LONRF2: variants seen among roughly 807,000 people sequenced by gnomAD.
LONRF2 encodes LON peptidase N-terminal domain and RING finger protein 2.
LONRF2 carries 35 observed loss-of-function variants against 66.6 expected under a neutral mutation model. The ratio of observed to expected loss-of-function variants is 0.53; its 90% CI spans 0.40 to 0.70. The LOEUF (loss-of-function observed/expected upper bound fraction) is 0.70, where lower values mean the gene tolerates loss of function less well. LONRF2 is among the 30% of genes least tolerant of loss of function. LONRF2 has a pLI of 0.00. For missense variants in LONRF2, 902 were observed against 1,002.1 expected, an observed-to-expected ratio of 0.90 and a Z score of 1.35; for synonymous variants, 417 against 418.1, an observed-to-expected ratio of 1.00 and a Z score of 0.03.
In LONRF2 at chr2:100,273,357, C is replaced by T. The variant is rs775353101; in HGVS notation, c.*10941G>A. ...GTGGTGATGTGTTAGTACATCCCTA[C>T]GACACAAACACAAAGGCCTAGGCAC... On this transcript the variant is annotated 3_prime_UTR_variant, in exon 12 of 12. Coordinates refer to ENST00000393437, the MANE Select transcript of LONRF2 (RefSeq NM_198461.4). 1.1e-4 allele frequency: 16 copies of T among 152,306 alleles called. No homozygotes were observed. The highest frequency in any genetic ancestry group is 1.2e-4 in the African/African-American group (5 of 41,552). 9.4% of individuals were successfully genotyped at this position (152,306 alleles called of 1,614,324 possible).
intron 2 of LONRF2, among the ~76,000 whole-genome samples, chr2:100,306,022 G>C (rs1417964478): frequency 6.6e-6 from 1 of 152,126 alleles, no homozygotes; most frequent in African/African-American, 2.4e-5. Context: ...CGGAGTAGCT[G>C]GGATTATAGC....
rs1317345265 is a variant in LONRF2, at chr2:100,295,502, A to G, written c.1528T>C (p.Phe510Leu). ...GACAATTCATCCGGCAAATATCGAA[A>G]TATTAATTCTTCGGCCAGAACAGTT... ...NITVLAEELI[F>L]RYLPDELSDR... Residue 510 changes from phenylalanine (F) to leucine (L), a missense_variant, in exon 8 of 12, where the codon TTT becomes CTT. Transcript: ENST00000393437. 6.2e-7 allele frequency: 1 copy of G among 1,613,660 alleles called. No individual in the cohort carries two copies. Among genetic ancestry groups the G allele is most frequent in the Non-Finnish European group, 8.5e-7 (1 of 1,179,834 alleles).
chr2:100,284,383 A>G lies in LONRF2; in HGVS notation c.2180T>C (p.Leu727Pro). The G allele has an allele frequency of 1.9e-6, 3 of 1,600,284 alleles. No homozygotes were observed. Among genetic ancestry groups the G allele is most frequent in the Non-Finnish European group, 2.6e-6 (3 of 1,173,384 alleles). The change falls in exon 12 of 12, where the codon CTT (leucine) becomes CCT (proline). Residue 727 changes from leucine to proline, a missense_variant. Leu to Pro is a moderately conservative substitution (Grantham distance 98). This residue lies in a region of LONRF2 where 317 missense variants were observed against 432.2 expected (regional missense o/e 0.73). Coordinates refer to ENST00000393437, the MANE Select transcript of LONRF2 (RefSeq NM_198461.4). ...LGMTSLKERL[L>P]AIRRILVIIT... is the part of the protein sequence containing the mutation. Reference sequence around the variant, plus strand: ...GATGACTAATATCCGTCGGATGGCAAGGAGCCGCTCTTTGAGCGAGGTCAT... The same window carrying G: ...GATGACTAATATCCGTCGGATGGCAGGGAGCCGCTCTTTGAGCGAGGTCAT...
intron 7 of LONRF2, among the ~76,000 whole-genome samples, chr2:100,297,681 G>A (rs182151491): frequency 3.3e-4 from 51 of 152,310 alleles, no homozygotes; most frequent in African/African-American, 1.2e-3. Context: ...AAACTGCACA[G>A]GGGCCACCAA....
At chr2:100,316,757 C>T (rs1329001543) in intron 1 of LONRF2, among the ~76,000 whole-genome samples, 1 of 152,156 alleles carries the variant, frequency 6.6e-6, no homozygotes, top group Non-Finnish European at 1.5e-5. Flanking sequence ...TTTTGCAATC[C>T]TTACTTTATC....
At position 100,280,516 on chromosome 2, in the gene LONRF2, C is replaced by T. The variant is rs999649026; in HGVS notation, c.*3782G>A. The T allele has an allele frequency of 1.3e-5, 2 of 152,252 alleles. No individual in the cohort carries two copies. The highest frequency in any genetic ancestry group is 4.8e-5 in the African/African-American group (2 of 41,430). The allele number at this position is 152,252 out of a possible 1,614,324, so 9.4% of individuals were successfully genotyped here. On this transcript the variant is annotated 3_prime_UTR_variant, in exon 12 of 12. Coordinates refer to ENST00000393437, the MANE Select transcript of LONRF2 (RefSeq NM_198461.4). The stretch of plus-strand genomic sequence containing the variant: ...ATGGGCCGGGCACGGTGGCTCACGC[C>T]TGTAATCCCAGCACTGTGGGAGGCC...
chr2:100,315,093 A>T (rs1238234313), intron 1 of LONRF2, among the ~76,000 whole-genome samples: 3 of 152,236 alleles, frequency 2.0e-5, no homozygotes, highest in Non-Finnish European at 4.4e-5. Context: ...TGATATATCC[A>T]TCCATTTAAG....
rs1368168501 is a variant in LONRF2, at chr2:100,283,071, C to T, written c.*1227G>A. On this transcript the variant is annotated 3_prime_UTR_variant, in exon 12 of 12. Transcript: ENST00000393437. ...TACAGACGAGGAAGCCAACCAAATG[C>T]ACCAGCTGGTTGGGCCAGAGAGAAC... The T allele has an allele frequency of 2.0e-5, 3 of 152,156 alleles. No homozygotes were observed. The highest frequency in any genetic ancestry group is 4.8e-5 in the African/African-American group (2 of 41,426). 9.4% of individuals were successfully genotyped at this position (152,156 alleles called of 1,614,324 possible). A position where few individuals can be genotyped will look rare whatever the true frequency, so the allele number is the denominator to read the frequency against.
Position 100,299,712 on chromosome 2 carries a change from C to A in LONRF2, c.1267+5G>T. On this transcript the variant is annotated splice_donor_5th_base_variant and intron_variant, in intron 5 of 11. Coordinates refer to ENST00000393437, the MANE Select transcript of LONRF2 (RefSeq NM_198461.4). ...AGAACTGCCTGATGAAAACAGTTCACTGACCTTTCTTGGGAATTTTTCCAG... is the reference window on the plus strand; with the variant it reads ...AGAACTGCCTGATGAAAACAGTTCAATGACCTTTCTTGGGAATTTTTCCAG... The A allele has an allele frequency of 6.2e-7, 1 of 1,613,224 alleles. No individual in the cohort carries two copies. The highest frequency in any genetic ancestry group is 1.1e-5 in the South Asian group (1 of 91,022).
rs1009168454 is a variant in LONRF2, at chr2:100,284,083, G to A, written c.*215C>T. 9.3e-5 allele frequency: 43 copies of A among 460,152 alleles called. 1 individual carries two copies. Among genetic ancestry groups the A allele is most frequent in the South Asian group, 1.3e-4 (3 of 22,466 alleles). 28.5% of individuals were successfully genotyped at this position (460,152 alleles called of 1,614,324 possible). On this transcript the variant is annotated 3_prime_UTR_variant, in exon 12 of 12. Transcript: ENST00000393437. ...TTTCTTAGGTTGTTTTCCAACTATG[G>A]GCTCCATTCAGACTTCAGGCTAACC...
intron 1 of LONRF2, among the ~76,000 whole-genome samples, chr2:100,320,627 A>G (rs1573130881): frequency 6.6e-6 from 1 of 152,226 alleles, no homozygotes; most frequent in African/African-American, 2.4e-5. Context: ...GCCCTATTAT[A>G]AAACCGGTGA....
chr2:100,297,615 G>C (rs976639605), intron 7 of LONRF2, among the ~76,000 whole-genome samples: 8 of 152,188 alleles, frequency 5.3e-5, no homozygotes, highest in African/African-American at 1.9e-4. Flanking sequence ...ACCAAAACAA[G>C]AGGCAGTGGG....
In LONRF2 at chr2:100,299,335, T is replaced by A; in HGVS notation, c.1268-16A>T. ...AGTGAGAGATCTGAATGCGAAAAAATTTAAAACGCTGTAATTAACACCTAA... is the reference window on the plus strand; with the variant it reads ...AGTGAGAGATCTGAATGCGAAAAAAATTAAAACGCTGTAATTAACACCTAA... On this transcript the variant is annotated splice_polypyrimidine_tract_variant and intron_variant, in intron 5 of 11. Coordinates refer to ENST00000393437, the MANE Select transcript of LONRF2 (RefSeq NM_198461.4). 6.7e-7 allele frequency: 1 copy of A among 1,490,870 alleles called. No homozygotes were observed. The highest frequency in any genetic ancestry group is 1.4e-5 in the African/African-American group (1 of 70,758). 92.4% of individuals were successfully genotyped at this position (1,490,870 alleles called of 1,614,324 possible). A position where few individuals can be genotyped will look rare whatever the true frequency, so the allele number is the denominator to read the frequency against.
chr2:100,320,823 G>A (rs1675605709), intron 1 of LONRF2, among the ~76,000 whole-genome samples: 1 of 152,122 alleles, frequency 6.6e-6, no homozygotes, highest in East Asian at 1.9e-4. Flanking sequence ...AGATAAATAA[G>A]GAAATGACTG....
chr2:100,274,199 A>G lies in LONRF2; in HGVS notation c.*10099T>C, dbSNP rs1674551255. The G allele has an allele frequency of 6.6e-6, 1 of 151,988 alleles. No individual in the cohort carries two copies. Among genetic ancestry groups the G allele is most frequent in the South Asian group, 2.1e-4 (1 of 4,800 alleles). The allele number at this position is 151,988 out of a possible 1,614,324, so 9.4% of individuals were successfully genotyped here. On this transcript the variant is annotated 3_prime_UTR_variant, in exon 12 of 12. Transcript: ENST00000393437. ...GGGTTCTCTATTATGATCAGGGCCA[A>G]TCCTTCACCTCGAGGGCTGTCGTAG...
Position 100,284,302 on chromosome 2 carries a change from T to A in LONRF2, c.2261A>T (p.Asn754Ile). 1 of 1,524,166 alleles carries A rather than the reference T, an allele frequency of 6.6e-7. No individual in the cohort carries two copies. The allele number at this position is 1,524,166 out of a possible 1,614,324, so 94.4% of individuals were successfully genotyped here. A position where few individuals can be genotyped will look rare whatever the true frequency, so the allele number is the denominator to read the frequency against. ...AAACCTTGACAGAGAGAAAAATCAA[T>A]TATTTCTCTCCCTGGCATTAGCCAG... ...QELANARERN[N>I] is the part of the protein sequence containing the mutation. Residue 754 changes from asparagine (N) to isoleucine (I), a missense_variant, in exon 12 of 12, where the codon AAT becomes ATT. Transcript: ENST00000393437.
intron 7 of LONRF2, among the ~76,000 whole-genome samples, chr2:100,296,656 T>G (rs1330212303): frequency 2.0e-5 from 3 of 152,240 alleles, no homozygotes; most frequent in Non-Finnish European, 4.4e-5. Flanking sequence ...GAAACGCCTA[T>G]GTTTGAGAAC....
At chr2:100,312,763 AT>A (rs928359182) in intron 1 of LONRF2, among the ~76,000 whole-genome samples, 10 of 152,232 alleles carry the variant, frequency 6.6e-5, no homozygotes, top group Admixed American at 5.9e-4. Context: ...GCACTTCACA[AT>A]TTAGTCTTTT....
rs763091386 is a variant in LONRF2 at position 100,295,486 on chromosome 2, T to C, written c.1544A>G (p.Asp515Gly). ...AATTCTCTTCCTATCAGACAATTCA[T>C]CCGGCAAATATCGAAATATTAATTC... ...AEELIFRYLP[D>G]ELSDRKRIYD... is the part of the protein sequence containing the mutation. Residue 515 changes from aspartate to glycine, a missense_variant, in exon 8 of 12, where the codon GAT becomes GGT. Physicochemically the swap from Asp to Gly is moderately conservative, Grantham distance 94 (BLOSUM62 -1). Transcript: ENST00000393437. 8.3e-5 allele frequency: 134 copies of C among 1,613,656 alleles called. No individual in the cohort carries two copies. Among genetic ancestry groups the C allele is most frequent in the Non-Finnish European group, 1.1e-4 (134 of 1,179,810 alleles).
Sources: allele counts gnomAD v4.1 joint callset (sites outside exome capture counted in the v4.1 genomes callset), GRCh38; gene constraint gnomAD v4.1.1; regional missense constraint gnomAD v4.1.1; transcripts MANE v1.5; gene names NCBI Gene and HGNC (gene_info 2026-07-23, HGNC 2026-07-21).